NRG3: variants seen among roughly 807,000 people sequenced by gnomAD.
NRG3 encodes neuregulin 3, also known as pro-neuregulin-3, membrane-bound isoform.
In NRG3, 31 loss-of-function variants were observed where a neutral mutation model predicts 66.9. The ratio of observed to expected loss-of-function variants is 0.46; its 90% CI spans 0.35 to 0.63. The LOEUF (loss-of-function observed/expected upper bound fraction) is 0.63. NRG3 is among the 20% of genes least tolerant of loss of function. The pLI is 0.00. For missense variants in NRG3, 910 were observed against 878.9 expected (o/e 1.04, Z -0.45); for synonymous variants, 393 against 359.4 (o/e 1.09, Z -1.06).
chr10:82,618,701 A>G (rs1439457349), intron 2 of NRG3, among the ~76,000 whole-genome samples: 1 of 152,122 alleles, frequency 6.6e-6, no homozygotes, highest in Non-Finnish European at 1.5e-5. Flanking sequence ...CTTTACAGAA[A>G]TTGTTAAATA....
chr10:82,046,928 C>A (rs1466696767), intron 1 of NRG3, among the ~76,000 whole-genome samples: 4 of 139,184 alleles, frequency 2.9e-5, no homozygotes, highest in Non-Finnish European at 6.3e-5. Context: ...CCCACTTGAT[C>A]ATAGTGGATA....
intron 2 of NRG3, among the ~76,000 whole-genome samples, chr10:82,534,738 A>G (rs1847648315): frequency 6.6e-6 from 1 of 151,640 alleles, no homozygotes; most frequent in Non-Finnish European, 1.5e-5. Flanking sequence ...GGCCAATGAA[A>G]CAGAACAGAG....
Position 82,125,194 on chromosome 10 carries a change from G to A in NRG3, c.824-233545G>A, listed in dbSNP as rs919652967. On this transcript the variant is annotated intron_variant, in intron 1 of 8. Coordinates refer to ENST00000372141, the MANE Select transcript of NRG3 (RefSeq NM_001010848.4). ...GATGAGAGAGGCATCCCCCGGTCAT[G>A]AATTTAATTTAAGCAATGTCTGCGT... 9.2e-5 allele frequency among the ~76,000 whole-genome samples: 14 copies of A among 152,002 alleles called. 1 individual carries two copies. In the South Asian group the frequency reaches 1.5e-3, roughly 16 times the overall value.
At chr10:82,177,206 A>G (rs2073102444) in intron 1 of NRG3, among the ~76,000 whole-genome samples, 1 of 151,858 alleles carries the variant, frequency 6.6e-6, no homozygotes, top group African/African-American at 2.4e-5. Flanking sequence ...TATTACATTT[A>G]CTGTATATTT....
chr10:81,946,004 A>G (rs1197877591), intron 1 of NRG3, among the ~76,000 whole-genome samples: 1 of 152,120 alleles, frequency 6.6e-6, no homozygotes, highest in Non-Finnish European at 1.5e-5. Context: ...AGAAAGAACC[A>G]ACCTTGCTGA....
At chr10:82,457,769 C>T (rs2091338427) in intron 2 of NRG3, among the ~76,000 whole-genome samples, 1 of 152,190 alleles carries the variant, frequency 6.6e-6, no homozygotes, top group Non-Finnish European at 1.5e-5. Context: ...ACCTGAATGT[C>T]AGTGAAGGTT....
chr10:82,831,902 A>C (rs56376758), intron 3 of NRG3, among the ~76,000 whole-genome samples: 3 of 152,074 alleles, frequency 2.0e-5, no homozygotes, highest in African/African-American at 7.2e-5. Flanking sequence ...ATATGCACCC[A>C]CCCCCCCAAC....
chr10:82,287,643 G>T (rs1016165055), intron 1 of NRG3, among the ~76,000 whole-genome samples: 9 of 152,052 alleles, frequency 5.9e-5, no homozygotes, highest in Non-Finnish European at 7.4e-5. Flanking sequence ...AGTTTTTATT[G>T]TTCATGATCT....
At chr10:82,755,034 C>A (rs989957098) in intron 3 of NRG3, among the ~76,000 whole-genome samples, 5 of 152,140 alleles carry the variant, frequency 3.3e-5, no homozygotes, top group Middle Eastern at 3.2e-3. Context: ...CAAATGACAT[C>A]TCTGAGCTGC....
intron 1 of NRG3, among the ~76,000 whole-genome samples, chr10:82,270,112 A>G (rs2078516065): frequency 6.6e-6 from 1 of 152,016 alleles, no homozygotes; most frequent in Non-Finnish European, 1.5e-5. Context: ...CACAGCGTTT[A>G]CTCTCTCTGC....
At chr10:82,583,525 TG>T (rs2046486216) in intron 2 of NRG3, among the ~76,000 whole-genome samples, 1 of 152,352 alleles carries the variant, frequency 6.6e-6, no homozygotes, top group Admixed American at 6.5e-5. Context: ...GTACTGTGTT[TG>T]TCATAACTAC....
chr10:82,796,513 T>C (rs577320474), intron 3 of NRG3, among the ~76,000 whole-genome samples: 39 of 151,976 alleles, frequency 2.6e-4, no homozygotes, highest in African/African-American at 9.4e-4. Flanking sequence ...CAATGTGAAA[T>C]TGTTGAGAGA....
chr10:82,234,705 A>G (rs1285193843), intron 1 of NRG3, among the ~76,000 whole-genome samples: 1 of 152,230 alleles, frequency 6.6e-6, no homozygotes, highest in African/African-American at 2.4e-5. Context: ...ACAGCATCGT[A>G]AAAGTTAACT....
At chr10:82,427,452 T>C (rs2089521375) in intron 2 of NRG3, among the ~76,000 whole-genome samples, 1 of 152,172 alleles carries the variant, frequency 6.6e-6, no homozygotes, top group Non-Finnish European at 1.5e-5. Context: ...TATTTATATT[T>C]GTCCTTTAGT....
intron 2 of NRG3, among the ~76,000 whole-genome samples, chr10:82,516,302 T>A (rs1290201558): frequency 6.6e-6 from 1 of 152,176 alleles, no homozygotes; most frequent in East Asian, 1.9e-4. Flanking sequence ...CTTTCAATTT[T>A]GCTTTACTTC....
At chr10:82,871,132 T>C (rs1841302780) in intron 4 of NRG3, among the ~76,000 whole-genome samples, 1 of 152,210 alleles carries the variant, frequency 6.6e-6, no homozygotes, top group African/African-American at 2.4e-5. Context: ...GCATGTTTTA[T>C]TGAATGTGGA....
At chr10:82,399,651 G>GAC (rs1423941912) in intron 2 of NRG3, among the ~76,000 whole-genome samples, 1 of 152,120 alleles carries the variant, frequency 6.6e-6, no homozygotes, top group Non-Finnish European at 1.5e-5. Flanking sequence ...TTCTTAAAAA[G>GAC]ACACTAATCC....
At chr10:82,341,724 A>G (rs1157206867) in intron 1 of NRG3, among the ~76,000 whole-genome samples, 1 of 152,206 alleles carries the variant, frequency 6.6e-6, no homozygotes, top group East Asian at 1.9e-4. Context: ...GTAACCCAAT[A>G]GGTAGTTTTT....
At chr10:82,688,313 C>A (rs968744311) in intron 2 of NRG3, among the ~76,000 whole-genome samples, 4 of 152,030 alleles carry the variant, frequency 2.6e-5, no homozygotes, top group African/African-American at 9.7e-5. Flanking sequence ...ATCCATGTTC[C>A]CCTTAAAGAT....
Sources: allele counts gnomAD v4.1 joint callset (sites outside exome capture counted in the v4.1 genomes callset), GRCh38; gene constraint gnomAD v4.1.1; transcripts MANE v1.5; gene names NCBI Gene and HGNC (gene_info 2026-07-23, HGNC 2026-07-21).